SYTL5: variants seen among roughly 807,000 people sequenced by gnomAD.
The protein encoded by SYTL5 is synaptotagmin like 5, also known as synaptotagmin-like protein 5.
In SYTL5, 34 loss-of-function variants were observed where a neutral mutation model predicts 55.9. That is an observed-to-expected ratio of 0.61 (90% CI 0.46 to 0.81). The LOEUF is 0.81. SYTL5 is among the 30% of genes least tolerant of loss of function. The probability of loss-of-function intolerance (pLI) is 0.00; values close to 1 mark genes in which losing one functional copy is unlikely to be tolerated. For synonymous variants in SYTL5, 221 were observed against 188.7 expected (o/e 1.17, Z -1.40); for missense variants, 637 against 546.7 (o/e 1.17, Z -1.65).
the SYTL5 span, among the ~76,000 whole-genome samples, chrX:37,950,986 G>A: frequency 9.1e-6 from 1 of 109,821 alleles, no homozygotes; most frequent in East Asian, 2.8e-4. Context: ...CAATAATCAT[G>A]GAAGAAATTG....
At chrX:37,939,960 T>C in the SYTL5 span, among the ~76,000 whole-genome samples, 1 of 111,412 alleles carries the variant, frequency 9.0e-6, no homozygotes, top group East Asian at 2.8e-4. Flanking sequence ...CCTCCTTGAA[T>C]AGCTGGGACT....
At chrX:37,953,152 A>T in the SYTL5 span, among the ~76,000 whole-genome samples, 20 of 109,027 alleles carry the variant, frequency 1.8e-4, no homozygotes, top group South Asian at 1.1e-3. Context: ...AAATTAATTT[A>T]AAAAAGTGAA....
the SYTL5 span, among the ~76,000 whole-genome samples, chrX:37,995,086 G>A: frequency 9.1e-6 from 1 of 110,095 alleles, no homozygotes; most frequent in South Asian, 4.1e-4. Flanking sequence ...CCGGCCCTGT[G>A]GGGAGGAACT....
At chrX:38,120,539 G>A in intron 14 of SYTL5, 73 bp downstream of exon 14, 1 of 789,413 alleles carries the variant, frequency 1.3e-6, no homozygotes, top group Non-Finnish European at 1.9e-6. Context: ...CTCAGGGATT[G>A]GTTGCATTAT....
the SYTL5 span, among the ~76,000 whole-genome samples, chrX:37,901,685 A>G: frequency 7.1e-5 from 8 of 112,238 alleles, no homozygotes; most frequent in Non-Finnish European, 1.1e-4. Flanking sequence ...AAAGGCCCAC[A>G]TATTTTATAA....
Position 38,127,711 on chromosome X carries a change from G to GA in SYTL5, c.*987dup, listed in dbSNP as rs1297942479. On this transcript the variant is annotated 3_prime_UTR_variant, in exon 17 of 17. Coordinates refer to ENST00000297875, the MANE Select transcript of SYTL5 (RefSeq NM_138780.3). ...AACTATTGTCACAATAATGCTGAATGAAAAAACACACCAAATGTCAGTGGC... is the reference window on the plus strand; with the variant it reads ...AACTATTGTCACAATAATGCTGAATGAAAAAAACACACCAAATGTCAGTGGC... 8.9e-6 allele frequency: 1 copy of GA among 111,931 alleles called. No homozygotes were observed. The highest frequency in any genetic ancestry group is 2.8e-4 in the East Asian group (1 of 3,561). 9.2% of individuals were successfully genotyped at this position (111,931 alleles called of 1,213,427 possible).
the SYTL5 span, among the ~76,000 whole-genome samples, chrX:37,966,179 T>G: frequency 9.0e-6 from 1 of 111,533 alleles, no homozygotes; most frequent in Non-Finnish European, 1.9e-5. Context: ...TTTCTCCCTT[T>G]TTTCTTCTCT....
At chrX:37,962,224 T>TC in the SYTL5 span, among the ~76,000 whole-genome samples, 1 of 109,942 alleles carries the variant, frequency 9.1e-6, no homozygotes, top group Non-Finnish European at 1.9e-5. Flanking sequence ...CCCTCCCCGC[T>TC]CCCCCGACCC....
At position 38,128,126 on chromosome X, in the gene SYTL5, T is replaced by G. The variant is rs1241373151; in HGVS notation, c.*1396T>G. Reference sequence around the variant, plus strand: ...AGATGCTTGAGCTACGAAACTTAGATGCAAAGAAAGTTAAAGCTAGAAGGA... The same window carrying G: ...AGATGCTTGAGCTACGAAACTTAGAGGCAAAGAAAGTTAAAGCTAGAAGGA... On this transcript the variant is annotated 3_prime_UTR_variant, in exon 17 of 17. Transcript: ENST00000297875. 6 of 112,100 alleles carry G rather than the reference T, an allele frequency of 5.4e-5. No individual in the cohort carries two copies. Among genetic ancestry groups the G allele is most frequent in the Non-Finnish European group, 1.1e-4 (6 of 53,238 alleles). 9.2% of individuals were successfully genotyped at this position (112,100 alleles called of 1,213,427 possible).
At chrX:37,931,666 A>G in the SYTL5 span, among the ~76,000 whole-genome samples, 1 of 112,075 alleles carries the variant, frequency 8.9e-6, no homozygotes, top group Non-Finnish European at 1.9e-5. Flanking sequence ...AGCTTGATAT[A>G]TAGTAGGTGC....
intron 3 of SYTL5, among the ~76,000 whole-genome samples, chrX:38,071,389 C>G (rs780372501): frequency 9.0e-6 from 1 of 111,589 alleles, no homozygotes; most frequent in African/African-American, 3.2e-5. Flanking sequence ...GCAAGCACTT[C>G]CACCACCTAT....
At chrX:37,912,520 G>T in the SYTL5 span, among the ~76,000 whole-genome samples, 5 of 111,445 alleles carry the variant, frequency 4.5e-5, no homozygotes, top group African/African-American at 1.6e-4. Context: ...TATGAGTGTT[G>T]TGGGTGTGAG....
intron 13 of SYTL5, among the ~76,000 whole-genome samples, chrX:38,115,086 T>G (rs1569191942): frequency 8.9e-6 from 1 of 112,115 alleles, no homozygotes; most frequent in African/African-American, 3.2e-5. Flanking sequence ...ATATACCATA[T>G]TTTCTTTATC....
At chrX:38,003,207 G>T (rs896638035), upstream of SYTL5, among the ~76,000 whole-genome samples, 2 of 111,311 alleles carry the variant, frequency 1.8e-5, no homozygotes, top group Admixed American at 1.9e-4. Context: ...TGAGGGCTCT[G>T]TTCTGTTCCA....
chrX:37,898,350 C>T, the SYTL5 span, among the ~76,000 whole-genome samples: 6 of 111,733 alleles, frequency 5.4e-5, no homozygotes, highest in African/African-American at 2.0e-4. Context: ...GACTTTAGCA[C>T]TGCCTGAACT....
At chrX:38,010,638 C>T (rs1333452251) in intron 1 of SYTL5, among the ~76,000 whole-genome samples, 1 of 111,628 alleles carries the variant, frequency 9.0e-6, no homozygotes, top group Non-Finnish European at 1.9e-5. Context: ...GTTGAGAAAG[C>T]TGACTCAACT....
At chrX:38,062,987 T>C (rs1478062332) in intron 3 of SYTL5, among the ~76,000 whole-genome samples, 1 of 111,430 alleles carries the variant, frequency 9.0e-6, no homozygotes, top group African/African-American at 3.3e-5. Context: ...CCCTGCTCCA[T>C]CTAACTCTCC....
At chrX:37,933,183 CATAAAA>C in the SYTL5 span, among the ~76,000 whole-genome samples, 50 of 111,634 alleles carry the variant, frequency 4.5e-4, no homozygotes, top group African/African-American at 1.5e-3. Flanking sequence ...TTCACTCCTA[CATAAAA>C]ATAATAAGAA....
At chrX:37,925,515 T>A in the SYTL5 span, among the ~76,000 whole-genome samples, 1 of 112,163 alleles carries the variant, frequency 8.9e-6, no homozygotes, top group African/African-American at 3.2e-5. Context: ...TGTATGGTGT[T>A]CCCTTTTTCT....
Sources: gnomAD v4.1 joint callset for allele counts (sites outside exome capture counted in the v4.1 genomes callset) on GRCh38, gnomAD v4.1.1 for gene constraint, MANE v1.5 for transcripts, NCBI Gene and HGNC (gene_info 2026-07-23, HGNC 2026-07-21) for gene names.